Variants in ZNF3 observed in about 807,000 individuals in gnomAD.
ZNF3 encodes zinc finger protein 3.
Under a neutral mutation model 36.9 loss-of-function variants are expected in ZNF3, and 16 were observed. The ratio of observed to expected loss-of-function variants is 0.43; its 90% CI spans 0.29 to 0.66. The LOEUF (loss-of-function observed/expected upper bound fraction) is 0.66. Ranked by LOEUF, ZNF3 falls within the 30% of genes least tolerant of loss-of-function variation. The probability of loss-of-function intolerance (pLI) is 0.13; values close to 1 mark genes in which losing one functional copy is unlikely to be tolerated. For synonymous variants in ZNF3, 201 were observed against 201.9 expected (o/e 1.00, Z 0.04); for missense variants, 462 against 543.1 (o/e 0.85, Z 1.48).
At chr7:100,077,074 A>AAAAAC (rs909150017) in intron 3 of ZNF3, 5 of 489,834 alleles carry the variant, frequency 1.0e-5, no homozygotes, top group East Asian at 3.7e-5. Flanking sequence ...CCATCTCAAA[A>AAAAAC]AAAACAAAAC....
At position 100,075,620 on chromosome 7, in the gene ZNF3, T is replaced by G. The variant is rs1793967211; in HGVS notation, c.66A>C (p.Ser22=). Residue 22 remains serine (S), a synonymous_variant, in exon 4 of 6, where the codon TCA becomes TCC. Transcript: ENST00000299667. ...PQALLDSALP[S]KVPAFSDKDS... ...CCTTGTCGGAAAAGGCAGGAACTTT[T>G]GAAGGAAGAGCTGAAGGGCAATAAA... The G allele has an allele frequency of 1.2e-6, 2 of 1,614,096 alleles. No individual in the cohort carries two copies. The highest frequency in any genetic ancestry group is 4.5e-5 in the East Asian group (2 of 44,880).
downstream of ZNF3, among the ~76,000 whole-genome samples, chr7:100,065,949 C>G (rs73395934): frequency 6.8e-6 from 1 of 147,702 alleles, no homozygotes; most frequent in Non-Finnish European, 1.5e-5. Flanking sequence ...CCTCAAAAGG[C>G]CTGGGCATTC....
chr7:100,081,921 G>C (rs1307765471), upstream of ZNF3, among the ~76,000 whole-genome samples: 1 of 152,170 alleles, frequency 6.6e-6, no homozygotes, highest in Non-Finnish European at 1.5e-5. The surrounding 1 kb of genome is among the most constrained non-coding windows in gnomAD (Gnocchi z 4.3). Context: ...CTTTCGCTGC[G>C]GGGGCTGGCC....
intron 3 of ZNF3, 40 bp from the exon 4 acceptor site, chr7:100,075,670 C>T: frequency 6.3e-7 from 1 of 1,597,124 alleles, no homozygotes; most frequent in African/African-American, 1.3e-5. Context: ...AGTCCATCTG[C>T]TCTGTGACCT....
chr7:100,064,397 C>T (rs772687469), exon 6 of ZNF3: 38 of 1,606,156 alleles, frequency 2.4e-5, no homozygotes, highest in Non-Finnish European at 3.1e-5. Context: ...AGTCAGCATG[C>T]GGGCCTCAGC....
chr7:100,075,706 C>G, intron 3 of ZNF3, 76 bp from the exon 4 acceptor site: 4 of 1,435,562 alleles, frequency 2.8e-6, no homozygotes, highest in Non-Finnish European at 3.9e-6. Flanking sequence ...TCCCAACCCA[C>G]AGAAAGCTCC....
chr7:100,072,219 CA>C lies in ZNF3; in HGVS notation c.272-8del, dbSNP rs766717022. The C allele has an allele frequency of 6.4e-7, 1 of 1,561,638 alleles. No homozygotes were observed. The highest frequency in any genetic ancestry group is 8.6e-7 in the Non-Finnish European group (1 of 1,159,540). On this transcript the variant is annotated splice_region_variant and splice_polypyrimidine_tract_variant and intron_variant, in intron 5 of 5. Transcript: ENST00000299667. ...TCAGTCCTGGTCTCACGATCTGACA[CA>C]ATAAAAAATGCAAATGTCACTTGTT...
At position 100,070,553 on chromosome 7, in the gene ZNF3, A is replaced by G. The variant is rs1337022796; in HGVS notation, c.*590T>C. The G allele has an allele frequency of 1.0e-5, 10 of 985,540 alleles. No homozygotes were observed. The highest frequency in any genetic ancestry group is 1.2e-5 in the Non-Finnish European group (10 of 830,142). The allele number at this position is 985,540 out of a possible 1,614,324, so 61.0% of individuals were successfully genotyped here. A position where few individuals can be genotyped will look rare whatever the true frequency, so the allele number is the denominator to read the frequency against. On this transcript the variant is annotated 3_prime_UTR_variant, in exon 6 of 6. Coordinates refer to ENST00000299667, the MANE Select transcript of ZNF3 (RefSeq NM_032924.5). The stretch of plus-strand genomic sequence containing the variant: ...CTTGGAAACATGGTCTGGCTGCTCC[A>G]AGAGCCCTAAAGGACACCATCATCA...
intron 5 of ZNF3, among the ~76,000 whole-genome samples, chr7:100,072,805 G>A (rs993688482): frequency 1.3e-5 from 2 of 152,220 alleles, no homozygotes; most frequent in Non-Finnish European, 2.9e-5. Context: ...GGCTATGCTC[G>A]CACGTAAGGC....
chr7:100,069,686 T>C (rs1258267141), downstream of ZNF3, among the ~76,000 whole-genome samples: 2 of 152,014 alleles, frequency 1.3e-5, no homozygotes, highest in African/African-American at 4.8e-5. Context: ...CGATCTCAGC[T>C]CACCACAACC....
intron 2 of ZNF3, chr7:100,078,672 T>G (rs1443078444): frequency 1.3e-5 from 2 of 152,058 alleles, no homozygotes; most frequent in Non-Finnish European, 2.9e-5. Flanking sequence ...TGGGCAACAG[T>G]GAGACTCTGT....
At chr7:100,073,133 A>G (rs1044402366) in intron 5 of ZNF3, among the ~76,000 whole-genome samples, 1 of 152,088 alleles carries the variant, frequency 6.6e-6, no homozygotes, top group Non-Finnish European at 1.5e-5. Context: ...GGGGAGAGAC[A>G]TGGGACAAGG....
Position 100,070,964 on chromosome 7 carries a change from G to A in ZNF3, c.*179C>T, listed in dbSNP as rs1455011602. 6 of 1,408,304 alleles carry A rather than the reference G, an allele frequency of 4.3e-6. No homozygotes were observed. Among genetic ancestry groups the A allele is most frequent in the Non-Finnish European group, 4.6e-6 (5 of 1,087,262 alleles). The allele number at this position is 1,408,304 out of a possible 1,614,324, so 87.2% of individuals were successfully genotyped here. On this transcript the variant is annotated 3_prime_UTR_variant, in exon 6 of 6. Transcript: ENST00000299667. The stretch of plus-strand genomic sequence containing the variant: ...TCCCAGCACGCCATCCACTTGCCTT[G>A]ACGCTTTCTAAGGCTGGTGTGATTT...
At position 100,078,518 on chromosome 7, in the gene ZNF3, A is replaced by G. The variant is rs370538917; in HGVS notation, c.-77+1018T>C. 1.1e-4 allele frequency among the ~76,000 whole-genome samples: 16 copies of G among 150,750 alleles called. No homozygotes were observed. In the East Asian group the frequency reaches 2.2e-3, roughly 20 times the overall value. On this transcript the variant is annotated intron_variant, in intron 2 of 5. Transcript: ENST00000299667. ...CTCAAAAAAAAAAAAAAAGAAAAAGAAAAGAAAAAATACAAAAATTAGCTG... is the reference window on the plus strand; with the variant it reads ...CTCAAAAAAAAAAAAAAAGAAAAAGGAAAGAAAAAATACAAAAATTAGCTG...
intron 4 of ZNF3, 127 bp from the exon 5 acceptor site, chr7:100,075,388 A>G (rs1200884311): frequency 8.3e-6 from 13 of 1,560,264 alleles, no homozygotes; most frequent in Non-Finnish European, 9.7e-6. Flanking sequence ...AGGGTGGAGG[A>G]AGAGAGACAG....
downstream of ZNF3, among the ~76,000 whole-genome samples, chr7:100,065,893 A>G (rs12532238): frequency 0.27 from 38,326 of 144,196 alleles, 5,982 homozygotes; most frequent in Middle Eastern, 0.48. Flanking sequence ...CTGGAGGGCA[A>G]TGGTAAGTTT....
downstream of ZNF3, chr7:100,069,901 C>G: frequency 8.2e-6 from 8 of 977,588 alleles, no homozygotes; most frequent in Non-Finnish European, 9.7e-6. Context: ...GCATGAGCCA[C>G]TGCACCCAGC....
chr7:100,075,339 G>T (rs186645590), intron 4 of ZNF3, 78 bp from the exon 5 acceptor site: 1 of 1,610,886 alleles, frequency 6.2e-7, no homozygotes, highest in Admixed American at 1.7e-5. Flanking sequence ...CTGAGGATGG[G>T]GTGAAAAATG....
At chr7:100,078,495 CAA>C (rs532938420) in intron 2 of ZNF3, among the ~76,000 whole-genome samples, 96 of 88,798 alleles carry the variant, frequency 1.1e-3, no homozygotes, top group Non-Finnish European at 1.7e-3. Flanking sequence ...GACTCTGCCT[CAA>C]AAAAAAAAAA....
Sources: allele counts gnomAD v4.1 joint callset (sites outside exome capture counted in the v4.1 genomes callset), GRCh38; gene constraint gnomAD v4.1.1; non-coding constraint Gnocchi (gnomAD v3.1); transcripts MANE v1.5; gene names NCBI Gene and HGNC (gene_info 2026-07-23, HGNC 2026-07-21).